Variants in CDH13 observed in about 807,000 individuals in gnomAD.
The protein encoded by CDH13 is cadherin 13, also known as cadherin-13.
In CDH13, 24 loss-of-function variants were observed where a neutral mutation model predicts 63.8. That is an observed-to-expected ratio of 0.38 (90% CI 0.27 to 0.53). The LOEUF (loss-of-function observed/expected upper bound fraction) is 0.53, where lower values mean the gene tolerates loss of function less well. CDH13 is among the 20% of genes least tolerant of loss of function. The pLI, the probability that CDH13 is intolerant of heterozygous loss-of-function variation, is 0.85. For missense variants in CDH13, 1,049 were observed against 903.1 expected (o/e 1.16, Z -2.07); for synonymous variants, 503 against 355.3 (o/e 1.42, Z -4.67).
rs143555061 is a variant in CDH13 at position 83,208,371 on chromosome 16, C to G, written c.484-8974C>G. ...TTCAAAGGCATGGCAAGGACTAACC[C>G]ACAGCTGAGAATTAATTAATGCTTA... On this transcript the variant is annotated intron_variant, in intron 4 of 13. Transcript: ENST00000567109. 6.1e-3 allele frequency among the ~76,000 whole-genome samples: 930 copies of G among 152,288 alleles called. 11 individuals are homozygous for G. The highest frequency in any genetic ancestry group is 0.02 in the African/African-American group (828 of 41,552).
At chr16:83,656,974 C>T (rs536301591) in intron 8 of CDH13, among the ~76,000 whole-genome samples, 4 of 152,310 alleles carry the variant, frequency 2.6e-5, no homozygotes, top group Middle Eastern at 3.4e-3. Flanking sequence ...GATTAAAGGA[C>T]AGGCTGATGC....
chr16:83,185,549 G>A (rs950465287), intron 4 of CDH13, among the ~76,000 whole-genome samples: 3 of 152,074 alleles, frequency 2.0e-5, no homozygotes, highest in South Asian at 2.1e-4. Context: ...TTCTCACCAC[G>A]GTAAGTCATG....
intron 2 of CDH13, among the ~76,000 whole-genome samples, chr16:82,911,386 A>T (rs1003145613): frequency 2.6e-5 from 4 of 152,180 alleles, no homozygotes; most frequent in African/African-American, 4.8e-5. Flanking sequence ...CAAAACTGCA[A>T]AGGCTCCCTG....
intron 6 of CDH13, among the ~76,000 whole-genome samples, chr16:83,476,565 T>C (rs1420762761): frequency 1.3e-5 from 2 of 152,094 alleles, no homozygotes; most frequent in South Asian, 2.1e-4. Flanking sequence ...CCAAGCTACT[T>C]GGAAGGCTGA....
chr16:83,209,236 G>C (rs1294528003), intron 4 of CDH13, among the ~76,000 whole-genome samples: 1 of 152,136 alleles, frequency 6.6e-6, no homozygotes, highest in Non-Finnish European at 1.5e-5. Flanking sequence ...TCCTTCACCT[G>C]GCAACTTTCA....
At chr16:83,575,211 C>A (rs775394232) in intron 7 of CDH13, among the ~76,000 whole-genome samples, 1 of 152,076 alleles carries the variant, frequency 6.6e-6, no homozygotes, top group South Asian at 2.1e-4. Context: ...TGAAAATGTT[C>A]TAAAATCAAT....
chr16:82,763,477 A>G (rs1357982763), intron 1 of CDH13, among the ~76,000 whole-genome samples: 1 of 152,190 alleles, frequency 6.6e-6, no homozygotes, highest in Non-Finnish European at 1.5e-5. Flanking sequence ...CTGTTTGCTG[A>G]ATGAAAGAAA....
chr16:83,742,530 A>T (rs1448862694), intron 10 of CDH13, among the ~76,000 whole-genome samples: 1 of 152,216 alleles, frequency 6.6e-6, no homozygotes, highest in Non-Finnish European at 1.5e-5. Flanking sequence ...GAAGCATTGA[A>T]AACATCTTGC....
At chr16:82,867,584 A>G (rs1224903887) in intron 2 of CDH13, among the ~76,000 whole-genome samples, 3 of 152,186 alleles carry the variant, frequency 2.0e-5, no homozygotes, top group African/African-American at 4.8e-5. Context: ...CAGGTCCTCC[A>G]TGGAGTGTGT....
intron 2 of CDH13, among the ~76,000 whole-genome samples, chr16:83,014,750 A>ATATATATATATATATATATATATG (rs1914533457): frequency 2.8e-5 from 1 of 36,312 alleles, no homozygotes; most frequent in East Asian, 8.3e-4. Flanking sequence ...AAAAATATAT[A>ATATATATATATATATATATATATG]TATATATATA....
chr16:83,008,600 A>G (rs1193871531), intron 2 of CDH13, among the ~76,000 whole-genome samples: 1 of 152,208 alleles, frequency 6.6e-6, no homozygotes, highest in African/African-American at 2.4e-5. Context: ...TGACACAAAC[A>G]TAATGTTATA....
intron 6 of CDH13, among the ~76,000 whole-genome samples, chr16:83,358,720 T>A (rs1322940878): frequency 6.6e-6 from 1 of 152,158 alleles, no homozygotes; most frequent in African/African-American, 2.4e-5. Flanking sequence ...CATGCACCAG[T>A]TTTCCTATGG....
intron 2 of CDH13, among the ~76,000 whole-genome samples, chr16:82,984,215 A>C (rs1470556986): frequency 6.6e-6 from 1 of 152,242 alleles, no homozygotes; most frequent in Non-Finnish European, 1.5e-5. Flanking sequence ...TTTCCCTTGC[A>C]ATTGAATTAG....
chr16:82,939,158 T>C (rs2042755513), intron 2 of CDH13, among the ~76,000 whole-genome samples: 1 of 152,136 alleles, frequency 6.6e-6, no homozygotes, highest in Admixed American at 6.5e-5. Flanking sequence ...GTGCAGTGGC[T>C]CACGCCTGCA....
chr16:82,738,097 A>G (rs2151048363), intron 1 of CDH13, among the ~76,000 whole-genome samples: 2 of 152,336 alleles, frequency 1.3e-5, no homozygotes, highest in East Asian at 3.9e-4. Context: ...TAAACTAGCC[A>G]CTTGTCACAC....
At chr16:83,520,750 C>A (rs149951847) in intron 7 of CDH13, among the ~76,000 whole-genome samples, 207 of 152,310 alleles carry the variant, frequency 1.4e-3, no homozygotes, top group African/African-American at 4.7e-3. Context: ...AGAGCCAGAA[C>A]AGGACGTGGC....
chr16:83,372,570 G>A (rs1360316995), intron 6 of CDH13, among the ~76,000 whole-genome samples: 2 of 151,816 alleles, frequency 1.3e-5, no homozygotes, highest in African/African-American at 4.8e-5. Context: ...TGGCCAACAT[G>A]GTGAAACCCC....
intron 5 of CDH13, among the ~76,000 whole-genome samples, chr16:83,231,929 A>T (rs28399724): frequency 0.018 from 2,724 of 152,246 alleles, 77 homozygotes; most frequent in East Asian, 0.11. Context: ...GCTATTTCAC[A>T]TGAGATCAGG....
chr16:82,893,633 G>A (rs565252622), intron 2 of CDH13, among the ~76,000 whole-genome samples: 1 of 152,288 alleles, frequency 6.6e-6, no homozygotes, highest in South Asian at 2.1e-4. Context: ...CCAGGTCTGG[G>A]CTATTCCCTG....
Sources: gnomAD v4.1 joint callset for allele counts (sites outside exome capture counted in the v4.1 genomes callset) on GRCh38, gnomAD v4.1.1 for gene constraint, MANE v1.5 for transcripts, NCBI Gene and HGNC (gene_info 2026-07-23, HGNC 2026-07-21) for gene names.